The following MAML3 variants were observed in gnomAD, a reference collection of about 807,000 sequenced individuals.
MAML3 encodes the protein mastermind like transcriptional coactivator 3.
Under a neutral mutation model 101.9 loss-of-function variants are expected in MAML3, and 27 were observed. The observed-to-expected ratio is 0.27, with a 90% CI of 0.20 to 0.37. The LOEUF is 0.37. MAML3 is among the 10% of genes least tolerant of loss of function. MAML3 has a pLI of 1.00. For missense variants in MAML3, 1,316 were observed against 1,444.9 expected, an observed-to-expected ratio of 0.91 and a Z score of 1.45; for synonymous variants, 501 against 555.9, an observed-to-expected ratio of 0.90 and a Z score of 1.39.
At chr4:139,753,558 C>T (rs1387282291) in intron 2 of MAML3, among the ~76,000 whole-genome samples, 1 of 152,068 alleles carries the variant, frequency 6.6e-6, no homozygotes, top group East Asian at 1.9e-4. Context: ...GAGTCTAAAA[C>T]TACCATGAAA....
intron 2 of MAML3, among the ~76,000 whole-genome samples, chr4:139,750,245 GT>G (rs755477184): frequency 9.8e-5 from 15 of 152,296 alleles, no homozygotes; most frequent in Admixed American, 3.3e-4. Context: ...GGAAGAAGGG[GT>G]GACAATTCCC....
intron 2 of MAML3, among the ~76,000 whole-genome samples, chr4:139,837,621 A>C (rs549909667): frequency 1.3e-5 from 2 of 152,172 alleles, no homozygotes; most frequent in African/African-American, 4.8e-5. Context: ...ATATTTTATA[A>C]TACTATTATA....
intron 2 of MAML3, among the ~76,000 whole-genome samples, chr4:139,864,379 G>A (rs924626301): frequency 6.6e-6 from 1 of 152,248 alleles, no homozygotes. Context: ...CACTTGTGAT[G>A]AATAAAAATC....
intron 2 of MAML3, among the ~76,000 whole-genome samples, chr4:139,833,268 G>T (rs1372636538): frequency 7.8e-6 from 1 of 128,480 alleles, no homozygotes; most frequent in African/African-American, 4.9e-5. Context: ...ACAGGGGGAG[G>T]GGGCCGCGTG....
At chr4:140,040,703 T>C (rs1418308884) in intron 1 of MAML3, among the ~76,000 whole-genome samples, 6 of 152,238 alleles carry the variant, frequency 3.9e-5, no homozygotes, top group Admixed American at 1.3e-4. Context: ...TTGCCATATT[T>C]ATGTCTTTCC....
chr4:140,137,149 C>G (rs79223011), intron 1 of MAML3, among the ~76,000 whole-genome samples: 22,642 of 152,134 alleles, frequency 0.15, 2,083 homozygotes, highest in East Asian at 0.38. Context: ...CCACCGCGCC[C>G]GGCTAATTTT....
chr4:139,966,641 C>A (rs867845450), intron 1 of MAML3, among the ~76,000 whole-genome samples: 1 of 152,144 alleles, frequency 6.6e-6, no homozygotes, highest in Non-Finnish European at 1.5e-5. Context: ...ACTCTACCAG[C>A]GGATCTTCAC....
chr4:139,791,314 T>C (rs982528533), intron 2 of MAML3, among the ~76,000 whole-genome samples: 4 of 151,992 alleles, frequency 2.6e-5, no homozygotes, highest in African/African-American at 9.7e-5. Context: ...CTGGACAACA[T>C]GGCAAAAGCC....
intron 1 of MAML3, among the ~76,000 whole-genome samples, chr4:140,090,981 C>T (rs1440628329): frequency 6.6e-6 from 1 of 152,080 alleles, no homozygotes; most frequent in Admixed American, 6.5e-5. Flanking sequence ...ATCCAGGAGG[C>T]GGAGGTTGCA....
intron 1 of MAML3, among the ~76,000 whole-genome samples, chr4:140,075,573 A>G (rs1374341213): frequency 1.3e-5 from 2 of 152,200 alleles, no homozygotes; most frequent in South Asian, 2.1e-4. Context: ...ATGTCACTCT[A>G]TCACCCAGAC....
intron 1 of MAML3, among the ~76,000 whole-genome samples, chr4:139,899,936 T>TA (rs1019166814): frequency 6.6e-6 from 1 of 152,176 alleles, no homozygotes; most frequent in Non-Finnish European, 1.5e-5. Flanking sequence ...CGTAAGCAGT[T>TA]AAAAATCTCC....
chr4:140,113,157 T>C (rs1728466072), intron 1 of MAML3, among the ~76,000 whole-genome samples: 1 of 152,002 alleles, frequency 6.6e-6, no homozygotes, highest in Non-Finnish European at 1.5e-5. Context: ...CGGGTGCCTG[T>C]AGTCCCAGCT....
Position 139,889,725 on chromosome 4 carries a change from G to A in MAML3, c.1711C>T (p.Pro571Ser). Residue 571 changes from proline to serine, a missense_variant, in exon 2 of 5, where the codon CCT becomes TCT. Coordinates refer to ENST00000509479, the MANE Select transcript of MAML3 (RefSeq NM_018717.5). ...TTGATCATATTCATGTGATTCTGAG[G>A]GAGGTAGTTATTCATTGTTGTCTTC... is the stretch of plus-strand genomic sequence containing the variant. ...LQKTTMNNYL[P>S]QNHMNMINQQ... The A allele has an allele frequency of 6.2e-7, 1 of 1,614,032 alleles. No homozygotes were observed. The highest frequency in any genetic ancestry group is 8.5e-7 in the Non-Finnish European group (1 of 1,179,892).
chr4:140,135,292 G>T (rs1728865469), intron 1 of MAML3, among the ~76,000 whole-genome samples: 1 of 152,188 alleles, frequency 6.6e-6, no homozygotes, highest in South Asian at 2.1e-4. Flanking sequence ...GACACTTGCT[G>T]ATTTTAGCTA....
At position 139,890,289 on chromosome 4, in the gene MAML3, G is replaced by A. The variant is rs753743778; in HGVS notation, c.1147C>T (p.Pro383Ser). ...SPQARPSSSG[P>S]PFSTVSTATS... ...GCCGTGGAGACAGTAGAAAAGGGAG[G>A]ACCAGAAGAAGAAGGCCTCGCCTGG... Residue 383 changes from proline to serine, a missense_variant, in exon 2 of 5, where the codon CCT (proline) becomes TCT (serine). Pro to Ser is a moderately conservative substitution (Grantham distance 74, BLOSUM62 -1). Transcript: ENST00000509479. The surrounding 1 kb of genome is among the most constrained non-coding windows in gnomAD (Gnocchi z 4.1). 2.5e-6 allele frequency: 4 copies of A among 1,613,864 alleles called. No individual in the cohort carries two copies. The highest frequency in any genetic ancestry group is 3.4e-6 in the Non-Finnish European group (4 of 1,179,850).
At chr4:139,765,535 G>A (rs1170062053) in intron 2 of MAML3, among the ~76,000 whole-genome samples, 1 of 152,216 alleles carries the variant, frequency 6.6e-6, no homozygotes, top group Non-Finnish European at 1.5e-5. Flanking sequence ...CATATTTTCA[G>A]CCTCTGAAGT....
In MAML3 at chr4:139,995,798, T is replaced by C. The variant is rs552843942; in HGVS notation, c.469-104831A>G. ...TTTTTTTTCTTTTCTATTTTATTGA[T>C]TTCTGCTCTAATCTTTATTGTTTCC... On this transcript the variant is annotated intron_variant, in intron 1 of 4. Coordinates refer to ENST00000509479, the MANE Select transcript of MAML3 (RefSeq NM_018717.5). Among the ~76,000 whole-genome samples, 3 of 152,190 alleles carry C rather than the reference T, an allele frequency of 2.0e-5. No individual in the cohort carries two copies. The South Asian group carries it at 6.2e-4, about 32-fold the overall frequency.
intron 1 of MAML3, among the ~76,000 whole-genome samples, chr4:140,077,336 C>A (rs888791505): frequency 6.6e-6 from 1 of 152,136 alleles, no homozygotes; most frequent in Non-Finnish European, 1.5e-5. Flanking sequence ...ATCAGTACTG[C>A]CATAAAAGGA....
chr4:140,054,789 C>T (rs1727324915), intron 1 of MAML3, among the ~76,000 whole-genome samples: 1 of 152,166 alleles, frequency 6.6e-6, no homozygotes, highest in African/African-American at 2.4e-5. Flanking sequence ...GCCTCCAAGG[C>T]ACCAAGCACA....
Sources: allele counts gnomAD v4.1 joint callset (sites outside exome capture counted in the v4.1 genomes callset), GRCh38; gene constraint gnomAD v4.1.1; non-coding constraint Gnocchi (gnomAD v3.1); transcripts MANE v1.5; gene names NCBI Gene and HGNC (gene_info 2026-07-23, HGNC 2026-07-21).